DGLUCY: variants seen among roughly 807,000 people sequenced by gnomAD.
The protein encoded by DGLUCY is D-glutamate cyclase, mitochondrial.
DGLUCY carries 58 observed loss-of-function variants against 58.5 expected under a neutral mutation model. That is an observed-to-expected ratio of 0.99 (90% confidence interval 0.80 to 1.23). DGLUCY has a LOEUF of 1.23. Ranked by LOEUF, DGLUCY falls within the 50% of genes most tolerant of loss-of-function variation. DGLUCY has a pLI of 0.00. For synonymous variants in DGLUCY, 325 were observed against 314.1 expected, an observed-to-expected ratio of 1.03 and a Z score of -0.37; for missense variants, 779 against 784.7, an observed-to-expected ratio of 0.99 and a Z score of 0.09.
chr14:91,091,493 G>A (rs1421231088), intron 1 of DGLUCY, among the ~76,000 whole-genome samples: 1 of 152,112 alleles, frequency 6.6e-6, no homozygotes, highest in African/African-American at 2.4e-5. Flanking sequence ...CTACACTCCA[G>A]CCTGGGCGAC....
chr14:91,167,836 C>G (rs1322639912), intron 4 of DGLUCY: 1 of 611,616 alleles, frequency 1.6e-6, no homozygotes, highest in African/African-American at 1.8e-5. Flanking sequence ...TCTACCTTTC[C>G]TATGGCACCA....
At chr14:91,060,667 C>T in exon 1 of DGLUCY, 2 of 431,334 alleles carry the variant, frequency 4.6e-6, no homozygotes, top group East Asian at 3.8e-5. Context: ...CCTGCTCCAC[C>T]GCCGCCTCCT....
chr14:91,163,103 C>A (rs1243981382), intron 3 of DGLUCY, among the ~76,000 whole-genome samples: 1 of 151,832 alleles, frequency 6.6e-6, no homozygotes, highest in Non-Finnish European at 1.5e-5. Context: ...ACTAAAGATA[C>A]AAAAGAATTA....
At chr14:91,116,817 A>C (rs2044984233) in intron 1 of DGLUCY, among the ~76,000 whole-genome samples, 1 of 151,910 alleles carries the variant, frequency 6.6e-6, no homozygotes, top group Non-Finnish European at 1.5e-5. Flanking sequence ...GGTGGTATGC[A>C]CCTGTAATCC....
At chr14:91,166,419 C>A (rs1043058081) in intron 3 of DGLUCY, among the ~76,000 whole-genome samples, 1 of 152,218 alleles carries the variant, frequency 6.6e-6, no homozygotes, top group Admixed American at 6.5e-5. Flanking sequence ...AAGCCCAGCA[C>A]TTTGGGAGGC....
In DGLUCY at chr14:91,209,274, AACG is replaced by A. The variant is rs374646414; in HGVS notation, c.1564+4455_1564+4457del. 4.9e-4 allele frequency among the ~76,000 whole-genome samples: 75 copies of A among 152,216 alleles called. 1 individual carries two copies. Among genetic ancestry groups the A allele is most frequent in the African/African-American group, 1.6e-3 (66 of 41,506 alleles). Reference sequence around the variant, plus strand: ...TGAGATTCGGTCTCAAAACAACAACAACGACGACAAAACAAAAGAACAAAACAA... The same window carrying A: ...TGAGATTCGGTCTCAAAACAACAACAACGACAAAACAAAAGAACAAAACAA... On this transcript the variant is annotated intron_variant, in intron 12 of 13. Transcript: ENST00000256324.
In DGLUCY at chr14:91,194,567, G is replaced by A. The variant is rs1299447601; in HGVS notation, c.1196-1808G>A. Among the ~76,000 whole-genome samples the A allele has an allele frequency of 2.6e-5, 4 of 151,332 alleles. No homozygotes were observed. The East Asian group carries it at 5.8e-4, about 22-fold the overall frequency. On this transcript the variant is annotated intron_variant, in intron 9 of 13. Transcript: ENST00000256324. ...TCCTTTTTTTTTTTTTTTGAGACAG[G>A]GTTTTGCCTTGTTGCCAGGCTGGAG... is the stretch of plus-strand genomic sequence containing the variant.
chr14:91,073,251 G>C (rs2043953595), intron 1 of DGLUCY, among the ~76,000 whole-genome samples: 1 of 151,942 alleles, frequency 6.6e-6, no homozygotes, highest in South Asian at 2.1e-4. Context: ...GACCAGCCTG[G>C]GCAACATGGA....
At chr14:91,140,517 A>C (rs960041265) in intron 1 of DGLUCY, among the ~76,000 whole-genome samples, 2 of 152,110 alleles carry the variant, frequency 1.3e-5, no homozygotes, top group Non-Finnish European at 2.9e-5. Flanking sequence ...ACTAAAATAC[A>C]AACATTAGCC....
chr14:91,199,683 C>A, intron 10 of DGLUCY, 74 bp from the exon 11 acceptor site: 1 of 1,528,674 alleles, frequency 6.5e-7, no homozygotes, highest in Non-Finnish European at 8.9e-7. Flanking sequence ...CGCGCAAACA[C>A]AAGAAGGCAT....
At chr14:91,209,049 C>G (rs942984035) in intron 12 of DGLUCY, among the ~76,000 whole-genome samples, 4 of 152,140 alleles carry the variant, frequency 2.6e-5, no homozygotes, top group African/African-American at 9.7e-5. Flanking sequence ...CGCAGTGGCT[C>G]ACACCTGTAA....
rs2043986047 is a variant in DGLUCY at position 91,074,461 on chromosome 14, AC to A, written c.-82+13758del. Among the ~76,000 whole-genome samples, 3 of 151,828 alleles carry A rather than the reference AC, an allele frequency of 2.0e-5. No individual in the cohort carries two copies. The South Asian group carries it at 6.2e-4, about 32-fold the overall frequency. On this transcript the variant is annotated intron_variant, in intron 1 of 4. Transcript: ENST00000521334. ...GTCTCATTGGACTCTAGCCTGGGTGACAGAGTGAGAACCTGACTCAAAAAAA... is the reference window on the plus strand; with the variant it reads ...GTCTCATTGGACTCTAGCCTGGGTGAAGAGTGAGAACCTGACTCAAAAAAA...
At position 91,215,395 on chromosome 14, in the gene DGLUCY, G is replaced by A. The variant is rs1440551650; in HGVS notation, c.1565-10G>A. 3 of 1,586,560 alleles carry A rather than the reference G, an allele frequency of 1.9e-6. No individual in the cohort carries two copies. Among genetic ancestry groups the A allele is most frequent in the Admixed American group, 1.8e-5 (1 of 56,616 alleles). On this transcript the variant is annotated splice_polypyrimidine_tract_variant and intron_variant, in intron 12 of 13. Coordinates refer to ENST00000256324, the MANE Select transcript of DGLUCY (RefSeq NM_001102368.3). The stretch of plus-strand genomic sequence containing the variant: ...CAACTCCATGATGGAATCTTGTTTT[G>A]CTGTTCTAGGTGTTTCTAACTGGGG...
chr14:91,063,263 T>C (rs1282896208), intron 1 of DGLUCY, among the ~76,000 whole-genome samples: 2 of 152,046 alleles, frequency 1.3e-5, no homozygotes, highest in African/African-American at 4.8e-5. Context: ...TTTTTTTTTT[T>C]TTCTTACCTC....
At chr14:91,172,493 A>G (rs1006270912) in intron 5 of DGLUCY, among the ~76,000 whole-genome samples, 2 of 152,222 alleles carry the variant, frequency 1.3e-5, no homozygotes, top group African/African-American at 4.8e-5. Context: ...GGCAACAGAA[A>G]TCACAGATAT....
At chr14:91,104,112 G>C (rs1181010478), upstream of DGLUCY, among the ~76,000 whole-genome samples, 2 of 116,172 alleles carry the variant, frequency 1.7e-5, no homozygotes, top group African/African-American at 6.7e-5. Flanking sequence ...GCCCAGGCTG[G>C]AGTGCAGTGG....
intron 1 of DGLUCY, among the ~76,000 whole-genome samples, chr14:91,136,852 C>G (rs889578279): frequency 1.3e-5 from 2 of 152,052 alleles, no homozygotes; most frequent in African/African-American, 4.8e-5. Flanking sequence ...GCCTGTAATC[C>G]CAGCTACTGG....
intron 1 of DGLUCY, among the ~76,000 whole-genome samples, chr14:91,073,593 A>G (rs1274929401): frequency 6.6e-6 from 1 of 152,134 alleles, no homozygotes; most frequent in Admixed American, 6.6e-5. Flanking sequence ...CGTCGGGATT[A>G]CAGGTGTGAG....
At chr14:91,215,877 C>T (rs1886446557) in intron 13 of DGLUCY, 1 of 680,474 alleles carries the variant, frequency 1.5e-6, no homozygotes, top group Admixed American at 3.6e-5. Flanking sequence ...GAACCGAATG[C>T]CTCACCCATG....
Sources: gnomAD v4.1 joint callset for allele counts (sites outside exome capture counted in the v4.1 genomes callset) on GRCh38, gnomAD v4.1.1 for gene constraint, MANE v1.5 for transcripts, NCBI Gene and HGNC (gene_info 2026-07-23, HGNC 2026-07-21) for gene names.